LRMDA: variants seen among roughly 807,000 people sequenced by gnomAD.
The protein encoded by LRMDA is leucine rich melanocyte differentiation associated.
In LRMDA, 18 loss-of-function variants were observed where a neutral mutation model predicts 29.8. The observed-to-expected ratio is 0.60, with a 90% CI of 0.42 to 0.90. The LOEUF (loss-of-function observed/expected upper bound fraction) is 0.90. Ranked by LOEUF, LRMDA falls within the 40% of genes least tolerant of loss-of-function variation. The pLI is 0.00. For synonymous variants in LRMDA, 125 were observed against 109.4 expected (o/e 1.14, Z -0.89); for missense variants, 273 against 273.9 (o/e 1.00, Z 0.02).
intron 2 of LRMDA, among the ~76,000 whole-genome samples, chr10:75,722,304 T>C (rs1842578373): frequency 6.6e-6 from 1 of 152,178 alleles, no homozygotes; most frequent in Non-Finnish European, 1.5e-5. Context: ...TAAAATTCTG[T>C]CTCCTAACAA....
chr10:75,557,437 C>T (rs1481373018), intron 2 of LRMDA, among the ~76,000 whole-genome samples: 1 of 151,994 alleles, frequency 6.6e-6, no homozygotes, highest in Admixed American at 6.6e-5. Context: ...TTTTACTTTT[C>T]AGGGAGGTTA....
intron 6 of LRMDA, among the ~76,000 whole-genome samples, chr10:76,482,872 T>A (rs572364710): frequency 1.3e-5 from 2 of 152,146 alleles, no homozygotes; most frequent in South Asian, 4.1e-4. Flanking sequence ...TTTCGGTTTC[T>A]CCACATGCTC....
intron 5 of LRMDA, among the ~76,000 whole-genome samples, chr10:76,271,783 T>C (rs539561189): frequency 1.6e-4 from 25 of 152,360 alleles, no homozygotes; most frequent in African/African-American, 6.0e-4. Context: ...ATCTCACTTA[T>C]AGTTTAGCAT....
Position 75,856,611 on chromosome 10 carries a change from G to A in LRMDA, c.132-179397G>A, listed in dbSNP as rs189882188. On this transcript the variant is annotated intron_variant, in intron 2 of 6. Transcript: ENST00000611255. The stretch of plus-strand genomic sequence containing the variant: ...TGATTATCCAATAGATGCAGAAAAG[G>A]CCTTTGACAAAATTCAACAATGCTT... 1.2e-3 allele frequency among the ~76,000 whole-genome samples: 177 copies of A among 152,212 alleles called. 1 individual carries two copies. The highest frequency in any genetic ancestry group is 3.9e-3 in the African/African-American group (160 of 41,530).
intron 2 of LRMDA, 80 bp from the exon 3 acceptor site, chr10:76,035,928 G>A (rs1332924520): frequency 6.5e-7 from 1 of 1,538,274 alleles, no homozygotes; most frequent in Non-Finnish European, 8.8e-7. Flanking sequence ...GAAAGGGAAG[G>A]TTAAAATATT....
At chr10:75,989,365 G>C (rs1366194616) in intron 2 of LRMDA, among the ~76,000 whole-genome samples, 1 of 152,246 alleles carries the variant, frequency 6.6e-6, no homozygotes, top group African/African-American at 2.4e-5. Context: ...GGCAAAGAGG[G>C]CGCTGGCACT....
intron 3 of LRMDA, among the ~76,000 whole-genome samples, chr10:76,042,193 A>G (rs1848352615): frequency 6.6e-6 from 1 of 152,188 alleles, no homozygotes; most frequent in African/African-American, 2.4e-5. Context: ...GGTCTAGAGC[A>G]TGCATGCAGG....
chr10:76,201,853 T>C (rs565294915), intron 5 of LRMDA, among the ~76,000 whole-genome samples: 2 of 152,272 alleles, frequency 1.3e-5, no homozygotes, highest in Admixed American at 6.5e-5. Flanking sequence ...AATATTTCTT[T>C]AGTTCCCAGT....
At chr10:76,000,049 C>G (rs1177729529) in intron 2 of LRMDA, among the ~76,000 whole-genome samples, 2 of 152,168 alleles carry the variant, frequency 1.3e-5, no homozygotes, top group Admixed American at 6.5e-5. Context: ...GCTGGGCTGA[C>G]ATTCTCCTTG....
intron 6 of LRMDA, among the ~76,000 whole-genome samples, chr10:76,441,316 T>C (rs1186812727): frequency 6.6e-6 from 1 of 152,168 alleles, no homozygotes; most frequent in Admixed American, 6.5e-5. Flanking sequence ...CAATGTGGGG[T>C]GACACTAATA....
intron 5 of LRMDA, among the ~76,000 whole-genome samples, chr10:76,282,671 T>A (rs7087327): frequency 1.1e-3 from 161 of 152,352 alleles, no homozygotes; most frequent in African/African-American, 3.5e-3. Flanking sequence ...GGACTGCAAT[T>A]ACAGTTTAAG....
chr10:75,961,851 C>T (rs926808902), intron 2 of LRMDA, among the ~76,000 whole-genome samples: 1 of 152,180 alleles, frequency 6.6e-6, no homozygotes, highest in Non-Finnish European at 1.5e-5. Flanking sequence ...AGATGTCAGT[C>T]GGGTTACTTC....
chr10:76,285,999 C>G (rs1282299739), intron 5 of LRMDA, among the ~76,000 whole-genome samples: 1 of 152,096 alleles, frequency 6.6e-6, no homozygotes, highest in African/African-American at 2.4e-5. Flanking sequence ...TGCGTTGAGG[C>G]TAAATCATTT....
At chr10:76,398,808 GA>G (rs1841817624) in intron 6 of LRMDA, among the ~76,000 whole-genome samples, 1 of 152,194 alleles carries the variant, frequency 6.6e-6, no homozygotes, top group Middle Eastern at 3.2e-3. Context: ...CTCAGAAAAG[GA>G]TGGTTTCTCT....
At chr10:75,714,855 C>T (rs951740565) in intron 2 of LRMDA, among the ~76,000 whole-genome samples, 7 of 145,508 alleles carry the variant, frequency 4.8e-5, no homozygotes, top group Non-Finnish European at 9.0e-5. Flanking sequence ...CCCTCCCTCC[C>T]TCCCTTCCTT....
chr10:75,731,680 C>T (rs1047040884), intron 2 of LRMDA, among the ~76,000 whole-genome samples: 1 of 152,208 alleles, frequency 6.6e-6, no homozygotes, highest in Non-Finnish European at 1.5e-5. Flanking sequence ...AAGCATGTTT[C>T]ATACTGCAAA....
intron 2 of LRMDA, among the ~76,000 whole-genome samples, chr10:75,658,206 T>G (rs552191894): frequency 2.0e-5 from 3 of 149,188 alleles, no homozygotes; most frequent in Non-Finnish European, 4.4e-5. Flanking sequence ...TTAAAGGGAA[T>G]GAAACGTGCA....
chr10:76,135,340 A>G (rs1357907321), intron 5 of LRMDA, among the ~76,000 whole-genome samples: 1 of 152,200 alleles, frequency 6.6e-6, no homozygotes, highest in Non-Finnish European at 1.5e-5. Flanking sequence ...TTTAAGGTGG[A>G]CCTTAAGATT....
At chr10:76,230,468 G>T (rs1359127470) in intron 5 of LRMDA, among the ~76,000 whole-genome samples, 1 of 150,352 alleles carries the variant, frequency 6.7e-6, no homozygotes, top group Non-Finnish European at 1.5e-5. Context: ...TTTATCCTTG[G>T]CTTAAATTAG....
Sources: gnomAD v4.1 joint callset for allele counts (sites outside exome capture counted in the v4.1 genomes callset) on GRCh38, gnomAD v4.1.1 for gene constraint, MANE v1.5 for transcripts, NCBI Gene and HGNC (gene_info 2026-07-23, HGNC 2026-07-21) for gene names.